The following CNKSR2 variants were observed in gnomAD, a reference collection of about 807,000 sequenced individuals.
CNKSR2 encodes the protein connector enhancer of kinase suppressor of Ras 2.
Under a neutral mutation model 84.4 loss-of-function variants are expected in CNKSR2, and 14 were observed. The observed-to-expected ratio is 0.17, with a 90% CI of 0.11 to 0.26. CNKSR2 has a LOEUF of 0.26. CNKSR2 is among the 10% of genes least tolerant of loss of function. CNKSR2 has a pLI of 1.00. For missense variants in CNKSR2, 485 were observed against 771.2 expected (o/e 0.63, Z 4.40); for synonymous variants, 275 against 277.9 (o/e 0.99, Z 0.10).
At chrX:21,546,422 G>T (rs1158755413) in intron 11 of CNKSR2, among the ~76,000 whole-genome samples, 1 of 110,035 alleles carries the variant, frequency 9.1e-6, no homozygotes, top group Non-Finnish European at 1.9e-5. Flanking sequence ...ATGAGACTAT[G>T]TGAAAAGACC....
At chrX:21,534,184 T>C (rs2091908372) in intron 11 of CNKSR2, among the ~76,000 whole-genome samples, 1 of 110,545 alleles carries the variant, frequency 9.0e-6, no homozygotes, top group Non-Finnish European at 1.9e-5. Context: ...AAACATGCAG[T>C]ATTTATCTTT....
Position 21,374,764 on chromosome X carries a change from C to A in CNKSR2, c.-134C>A. ...CGTTACAGCCGCGAGACCCGACACA[C>A]AAAAGCCGCTTTCTCCGCGCCGCCC... On this transcript the variant is annotated 5_prime_UTR_variant, in exon 1 of 22. Coordinates refer to ENST00000379510, the MANE Select transcript of CNKSR2 (RefSeq NM_014927.5). 1 of 566,235 alleles carries A rather than the reference C, an allele frequency of 1.8e-6. No individual in the cohort carries two copies. The highest frequency in any genetic ancestry group is 3.1e-6 in the Non-Finnish European group (1 of 324,438). 46.7% of individuals were successfully genotyped at this position (566,235 alleles called of 1,213,427 possible).
intron 13 of CNKSR2, among the ~76,000 whole-genome samples, chrX:21,589,341 G>C (rs965479373): frequency 1.6e-4 from 18 of 111,708 alleles, no homozygotes; most frequent in African/African-American, 4.9e-4. Context: ...AATGAGCAAT[G>C]ATACTAAATA....
chrX:21,606,616 A>C, intron 18 of CNKSR2, 163 bp from the exon 19 acceptor site: 1 of 363,704 alleles, frequency 2.7e-6, no homozygotes, highest in Non-Finnish European at 4.7e-6. Flanking sequence ...TCAAAACTCA[A>C]CTGAAAATAA....
At chrX:21,376,763 A>G (rs930748683) in intron 1 of CNKSR2, among the ~76,000 whole-genome samples, 5 of 111,933 alleles carry the variant, frequency 4.5e-5, no homozygotes, top group African/African-American at 1.6e-4. Context: ...GCTCCATGGG[A>G]GTCTGATTAC....
intron 13 of CNKSR2, among the ~76,000 whole-genome samples, chrX:21,582,369 A>G (rs768980893): frequency 8.9e-6 from 1 of 112,367 alleles, no homozygotes; most frequent in Non-Finnish European, 1.9e-5. Flanking sequence ...TTCTCTTCAC[A>G]TAGCAATGTA....
At position 21,541,131 on chromosome X, in the gene CNKSR2, C is replaced by T. The variant is rs930675695; in HGVS notation, c.1303+9064C>T. On this transcript the variant is annotated intron_variant, in intron 11 of 21. Coordinates refer to ENST00000379510, the MANE Select transcript of CNKSR2 (RefSeq NM_014927.5). ...CCAAGTAGGTGGGACTACAGATGCA[C>T]GCCACCACGCCCAGCTAATTTTTGT... Among the ~76,000 whole-genome samples, 4 of 109,831 alleles carry T rather than the reference C, an allele frequency of 3.6e-5. No homozygotes were observed. In the South Asian group the frequency reaches 1.2e-3, roughly 32 times the overall value.
intron 2 of CNKSR2, chrX:21,427,151 G>A (rs1390946043): frequency 8.6e-6 from 1 of 115,957 alleles, no homozygotes; most frequent in African/African-American, 3.2e-5. Flanking sequence ...CCTTTCTGAT[G>A]CTGAGCTTTA....
intron 4 of CNKSR2, chrX:21,468,695 C>G (rs1162499911): frequency 9.0e-6 from 1 of 111,289 alleles, no homozygotes; most frequent in Non-Finnish European, 1.9e-5. Flanking sequence ...GTTCCTATGC[C>G]TTTTCAGGGT....
chrX:21,525,893 A>T (rs1286372480), intron 9 of CNKSR2, among the ~76,000 whole-genome samples: 5 of 110,947 alleles, frequency 4.5e-5, no homozygotes, highest in Admixed American at 1.9e-4. Flanking sequence ...TTGCATTAAA[A>T]TTTTTATTTT....
chrX:21,483,593 AATATAT>A (rs10592013), intron 5 of CNKSR2, among the ~76,000 whole-genome samples: 2 of 98,750 alleles, frequency 2.0e-5, no homozygotes, highest in Non-Finnish European at 4.1e-5. Context: ...AGTATAATAA[AATATAT>A]ATATATATAT....
At chrX:21,551,439 C>CA (rs1457773300) in intron 11 of CNKSR2, among the ~76,000 whole-genome samples, 2 of 111,884 alleles carry the variant, frequency 1.8e-5, no homozygotes, top group Admixed American at 1.9e-4. Flanking sequence ...GAAGTATTAG[C>CA]AAACCAAATC....
At chrX:21,552,149 G>A (rs2092099250) in intron 11 of CNKSR2, among the ~76,000 whole-genome samples, 2 of 110,530 alleles carry the variant, frequency 1.8e-5, no homozygotes, top group Non-Finnish European at 3.8e-5. Context: ...GTTTAAATAG[G>A]GCTATTCATG....
chrX:21,492,915 A>G (rs959480555), intron 6 of CNKSR2: 1 of 111,986 alleles, frequency 8.9e-6, no homozygotes, highest in African/African-American at 3.2e-5. Flanking sequence ...AGCCATAGTA[A>G]ATGTCTAAAT....
chrX:21,435,753 T>C (rs2090695198), intron 3 of CNKSR2, among the ~76,000 whole-genome samples: 1 of 112,099 alleles, frequency 8.9e-6, no homozygotes, highest in Non-Finnish European at 1.9e-5. Context: ...TGTTACGTTG[T>C]ACAGTAACAT....
intron 4 of CNKSR2, among the ~76,000 whole-genome samples, chrX:21,464,079 G>A (rs866702244): frequency 8.9e-6 from 1 of 111,959 alleles, no homozygotes; most frequent in Non-Finnish European, 1.9e-5. Flanking sequence ...TTTATTTGGG[G>A]CCCCACATCG....
intron 11 of CNKSR2, among the ~76,000 whole-genome samples, chrX:21,548,896 A>C (rs1177648914): frequency 8.9e-6 from 1 of 112,453 alleles, no homozygotes; most frequent in Admixed American, 9.4e-5. Flanking sequence ...AACTCTGAAT[A>C]AAATAGGTAT....
chrX:21,630,581 T>TCAGA (rs200588263), intron 20 of CNKSR2, among the ~76,000 whole-genome samples: 3,804 of 111,232 alleles, frequency 0.034, 167 homozygotes, highest in African/African-American at 0.12. Context: ...GACCTAAGAT[T>TCAGA]CAGACAGACA....
chrX:21,597,742 C>T (rs1285905490), intron 17 of CNKSR2, among the ~76,000 whole-genome samples: 2 of 109,519 alleles, frequency 1.8e-5, no homozygotes, highest in Non-Finnish European at 3.8e-5. Flanking sequence ...TTGGTTTGTT[C>T]TATATGTAAT....
Sources: gnomAD v4.1 joint callset for allele counts (sites outside exome capture counted in the v4.1 genomes callset) on GRCh38, gnomAD v4.1.1 for gene constraint, MANE v1.5 for transcripts, NCBI Gene and HGNC (gene_info 2026-07-23, HGNC 2026-07-21) for gene names.